Variants in DLG2 observed in about 807,000 individuals in gnomAD.
The protein encoded by DLG2 is discs large MAGUK scaffold protein 2.
A neutral mutation model predicts 132.5 loss-of-function variants in DLG2; 45 were observed. The observed-to-expected ratio is 0.34, with a 90% CI of 0.27 to 0.44. The LOEUF is 0.44. Ranked by LOEUF, DLG2 falls within the 20% of genes least tolerant of loss-of-function variation. The pLI, the probability that DLG2 is intolerant of heterozygous loss-of-function variation, is 1.00. For missense variants in DLG2, 1,045 were observed against 1,196.9 expected (o/e 0.87, Z 1.87); for synonymous variants, 424 against 419.6 (o/e 1.01, Z -0.13).
intron 6 of DLG2, among the ~76,000 whole-genome samples, chr11:84,953,733 T>C (rs2051259460): frequency 6.6e-6 from 1 of 152,236 alleles, no homozygotes; most frequent in African/African-American, 2.4e-5. Flanking sequence ...ATGATGTCTC[T>C]AGAATGCAAA....
At chr11:83,779,821 T>G (rs1186155818) in intron 18 of DLG2, among the ~76,000 whole-genome samples, 2 of 152,202 alleles carry the variant, frequency 1.3e-5, no homozygotes, top group African/African-American at 4.8e-5. Flanking sequence ...AGGTCGTGCA[T>G]TCATTTCTCC....
chr11:84,813,672 A>T (rs2076811204), intron 6 of DLG2, among the ~76,000 whole-genome samples: 1 of 152,108 alleles, frequency 6.6e-6, no homozygotes, highest in Non-Finnish European at 1.5e-5. Flanking sequence ...TCTCAGAATG[A>T]CATAGAATGG....
At chr11:83,666,952 T>G (rs1377412713) in intron 18 of DLG2, among the ~76,000 whole-genome samples, 2 of 152,162 alleles carry the variant, frequency 1.3e-5, no homozygotes, top group East Asian at 3.9e-4. Context: ...CCAGCCCCAT[T>G]TGCCTTGAGT....
At chr11:83,982,074 G>A (rs1253763903) in intron 11 of DLG2, among the ~76,000 whole-genome samples, 3 of 152,100 alleles carry the variant, frequency 2.0e-5, no homozygotes, top group Non-Finnish European at 4.4e-5. Flanking sequence ...CAGTGTAAAT[G>A]AACCTACTGC....
intron 16 of DLG2, among the ~76,000 whole-genome samples, chr11:83,872,544 T>A (rs1176965220): frequency 3.9e-5 from 6 of 152,202 alleles, no homozygotes; most frequent in Non-Finnish European, 7.3e-5. Flanking sequence ...TCTGGTGTTT[T>A]GAAGTTAGGG....
At chr11:85,141,655 C>G (rs764869791) in intron 5 of DLG2, among the ~76,000 whole-genome samples, 3 of 151,814 alleles carry the variant, frequency 2.0e-5, no homozygotes, top group African/African-American at 7.2e-5. Flanking sequence ...AGAGTTTCTT[C>G]AGAGTTTTCT....
intron 18 of DLG2, among the ~76,000 whole-genome samples, chr11:83,777,740 TC>T (rs1048285490): frequency 2.4e-4 from 37 of 152,272 alleles, no homozygotes; most frequent in African/African-American, 8.2e-4. Flanking sequence ...TACAGATCTT[TC>T]CCCTTCTTCC....
At chr11:85,157,854 CT>C (rs1422851338) in intron 4 of DLG2, among the ~76,000 whole-genome samples, 1 of 152,028 alleles carries the variant, frequency 6.6e-6, no homozygotes, top group African/African-American at 2.4e-5. Context: ...TCTGACGAAG[CT>C]TTTTTTGCCA....
At chr11:83,928,625 C>G (rs2079476140) in intron 15 of DLG2, among the ~76,000 whole-genome samples, 1 of 152,054 alleles carries the variant, frequency 6.6e-6, no homozygotes, top group Non-Finnish European at 1.5e-5. Flanking sequence ...GCAAAAATGG[C>G]TAATGGTCTG....
intron 7 of DLG2, among the ~76,000 whole-genome samples, chr11:84,354,823 T>C (rs961686113): frequency 2.0e-5 from 3 of 152,132 alleles, no homozygotes; most frequent in African/African-American, 7.2e-5. Flanking sequence ...GAAAAGTTCA[T>C]ACCATTTCCA....
intron 7 of DLG2, among the ~76,000 whole-genome samples, chr11:84,297,524 C>T (rs1409263169): frequency 6.6e-6 from 1 of 152,040 alleles, no homozygotes; most frequent in Non-Finnish European, 1.5e-5. Context: ...ACAATAGATC[C>T]CCATCCCCAT....
intron 7 of DLG2, chr11:84,317,139 C>T: frequency 6.2e-7 from 1 of 1,611,174 alleles, no homozygotes; most frequent in Non-Finnish European, 8.5e-7. Flanking sequence ...GTGAGGTATG[C>T]ATTCATACTG....
At chr11:83,636,899 C>G (rs1270266583) in intron 18 of DLG2, among the ~76,000 whole-genome samples, 1 of 152,144 alleles carries the variant, frequency 6.6e-6, no homozygotes, top group East Asian at 1.9e-4. Context: ...CTTTGACAGT[C>G]ATCTCAATGT....
intron 21 of DLG2, among the ~76,000 whole-genome samples, chr11:83,496,162 A>G (rs2094137080): frequency 6.6e-6 from 1 of 150,690 alleles, no homozygotes; most frequent in Middle Eastern, 3.5e-3. Flanking sequence ...TGAGCTAGAG[A>G]CTTGACTGGA....
At chr11:85,486,030 C>T (rs1300814835) in intron 3 of DLG2, among the ~76,000 whole-genome samples, 1 of 152,206 alleles carries the variant, frequency 6.6e-6, no homozygotes, top group African/African-American at 2.4e-5. Flanking sequence ...AGACTTCACT[C>T]CTCATGTCTA....
At chr11:84,083,219 C>T (rs1161426811) in intron 10 of DLG2, among the ~76,000 whole-genome samples, 1 of 151,976 alleles carries the variant, frequency 6.6e-6, no homozygotes, top group Non-Finnish European at 1.5e-5. Context: ...GGTGGAGATT[C>T]CAGTGAGCTG....
chr11:85,384,553 A>C (rs983871386), intron 3 of DLG2, among the ~76,000 whole-genome samples: 1 of 152,008 alleles, frequency 6.6e-6, no homozygotes, highest in Non-Finnish European at 1.5e-5. Context: ...AAGTTACTAA[A>C]TATTTTTTGT....
chr11:85,118,922 G>T (rs193176649), intron 5 of DLG2, among the ~76,000 whole-genome samples: 2 of 151,414 alleles, frequency 1.3e-5, no homozygotes, highest in East Asian at 3.9e-4. Flanking sequence ...ATATGTCTAG[G>T]GGCCTGATAT....
At chr11:83,888,906 T>G (rs542092412) in intron 15 of DLG2, among the ~76,000 whole-genome samples, 1 of 152,182 alleles carries the variant, frequency 6.6e-6, no homozygotes, top group Admixed American at 6.5e-5. Flanking sequence ...TAGCCATATG[T>G]AGAAAGCTGA....
Sources: gnomAD v4.1 joint callset for allele counts (sites outside exome capture counted in the v4.1 genomes callset) on GRCh38, gnomAD v4.1.1 for gene constraint, MANE v1.5 for transcripts, NCBI Gene and HGNC (gene_info 2026-07-23, HGNC 2026-07-21) for gene names.